FBXW7: variants seen among roughly 807,000 people sequenced by gnomAD.
FBXW7 encodes F-box and WD repeat domain containing 7.
A neutral mutation model predicts 86.3 loss-of-function variants in FBXW7; 11 were observed. The observed-to-expected ratio is 0.13, with a 90% CI of 0.08 to 0.21. The LOEUF (loss-of-function observed/expected upper bound fraction) is 0.21. Ranked by LOEUF, FBXW7 falls within the 10% of genes least tolerant of loss-of-function variation. FBXW7 has a pLI of 1.00. For synonymous variants in FBXW7, 313 were observed against 297.9 expected (o/e 1.05, Z -0.52); for missense variants, 488 against 847.4 (o/e 0.58, Z 5.27).
At chr4:152,514,360 T>C (rs545037660) in intron 2 of FBXW7, among the ~76,000 whole-genome samples, 80 of 152,306 alleles carry the variant, frequency 5.3e-4, no homozygotes, top group African/African-American at 1.7e-3. Context: ...ATATAAGAAC[T>C]GACTAGAAGG....
chr4:152,515,467 C>A (rs1414151433), intron 2 of FBXW7, among the ~76,000 whole-genome samples: 2 of 152,144 alleles, frequency 1.3e-5, no homozygotes, highest in East Asian at 3.8e-4. Context: ...CAATGCTTTA[C>A]AAATCACCAT....
intron 4 of FBXW7, among the ~76,000 whole-genome samples, chr4:152,372,213 T>C (rs1018138005): frequency 6.6e-6 from 1 of 151,948 alleles, no homozygotes; most frequent in Non-Finnish European, 1.5e-5. Context: ...CATCTATATA[T>C]GTATGTTTTA....
intron 4 of FBXW7, among the ~76,000 whole-genome samples, chr4:152,379,161 AT>A (rs1303790201): frequency 6.6e-6 from 1 of 152,210 alleles, no homozygotes; most frequent in Non-Finnish European, 1.5e-5. Context: ...ATGTGAAAAA[AT>A]AATGCATCTT....
At chr4:152,363,836 G>T (rs767364901) in intron 4 of FBXW7, among the ~76,000 whole-genome samples, 1 of 152,160 alleles carries the variant, frequency 6.6e-6, no homozygotes, top group South Asian at 2.1e-4. Context: ...AGTTTTAAGC[G>T]ACCCCAAGGT....
intron 6 of FBXW7, among the ~76,000 whole-genome samples, chr4:152,340,722 C>T (rs1454010504): frequency 6.6e-6 from 1 of 151,976 alleles, no homozygotes; most frequent in East Asian, 1.9e-4. Flanking sequence ...AGATCTGGAC[C>T]ATAAAAACAG....
At chr4:152,340,300 C>T (rs1428924487) in intron 6 of FBXW7, among the ~76,000 whole-genome samples, 1 of 151,874 alleles carries the variant, frequency 6.6e-6, no homozygotes, top group Non-Finnish European at 1.5e-5. Flanking sequence ...CTGATAGGCC[C>T]GGTGCAGTGG....
chr4:152,504,114 A>G (rs1414412251), intron 2 of FBXW7, among the ~76,000 whole-genome samples: 1 of 152,174 alleles, frequency 6.6e-6, no homozygotes, highest in African/African-American at 2.4e-5. Context: ...TTGTTTCCTC[A>G]CTTACATCTC....
chr4:152,471,190 G>GA (rs139335427), intron 2 of FBXW7, among the ~76,000 whole-genome samples: 57,396 of 149,820 alleles, frequency 0.38, 11,716 homozygotes, highest in African/African-American at 0.53. Flanking sequence ...GAAAAGGTGG[G>GA]AAAAAAAATA....
chr4:152,405,176 A>T (rs2126855368), intron 4 of FBXW7, among the ~76,000 whole-genome samples: 1 of 152,164 alleles, frequency 6.6e-6, no homozygotes, highest in East Asian at 1.9e-4. Flanking sequence ...CTCAAACTGA[A>T]TTAGGACTGA....
intron 2 of FBXW7, among the ~76,000 whole-genome samples, chr4:152,436,888 T>TTAC (rs530220053): frequency 9.0e-4 from 137 of 152,334 alleles, no homozygotes; most frequent in African/African-American, 3.1e-3. Context: ...CTTTCAAATA[T>TTAC]TACTCATTGC....
chr4:152,429,015 C>A (rs1739634273), intron 2 of FBXW7, among the ~76,000 whole-genome samples: 1 of 152,086 alleles, frequency 6.6e-6, no homozygotes. Flanking sequence ...CATGGAGAAA[C>A]TCCGTCTCTA....
chr4:152,483,752 T>C lies in FBXW7; in HGVS notation c.-120+51189A>G, dbSNP rs185279293. On this transcript the variant is annotated intron_variant, in intron 2 of 13. Transcript: ENST00000281708. ...ACCCTTTCTGTGTTGTGTGTGTGTG[T>C]GCACACACACACTTGCATGTGTATA... Among the ~76,000 whole-genome samples, 206 of 152,148 alleles carry C rather than the reference T, an allele frequency of 1.4e-3. 1 individual carries two copies. The highest frequency in any genetic ancestry group is 0.01 in the Middle Eastern group (3 of 294).
chr4:152,503,132 C>A (rs1026909469), intron 2 of FBXW7, among the ~76,000 whole-genome samples: 4 of 152,082 alleles, frequency 2.6e-5, no homozygotes, highest in African/African-American at 9.7e-5. Context: ...CTTTACAACA[C>A]GTGGAAGATA....
At chr4:152,363,034 C>G (rs373928009) in intron 4 of FBXW7, among the ~76,000 whole-genome samples, 1 of 152,052 alleles carries the variant, frequency 6.6e-6, no homozygotes, top group African/African-American at 2.4e-5. Flanking sequence ...TTACCCCCTA[C>G]CAATCCATTT....
chr4:152,487,740 TCTTC>T (rs1199580725), intron 2 of FBXW7, among the ~76,000 whole-genome samples: 1 of 152,090 alleles, frequency 6.6e-6, no homozygotes, highest in East Asian at 1.9e-4. Context: ...CATCTTATAT[TCTTC>T]CTTGTATTTT....
At chr4:152,481,403 A>G (rs1157287089) in intron 2 of FBXW7, among the ~76,000 whole-genome samples, 1 of 152,224 alleles carries the variant, frequency 6.6e-6, no homozygotes, top group African/African-American at 2.4e-5. Context: ...TGATGGAGAT[A>G]TACCAGAAGA....
rs1349981753 is a variant in FBXW7, at chr4:152,498,615, T to C, written c.-120+36326A>G. Among the ~76,000 whole-genome samples the C allele has an allele frequency of 2.6e-5, 4 of 152,298 alleles. No homozygotes were observed. The East Asian group carries it at 7.7e-4, about 29-fold the overall frequency. On this transcript the variant is annotated intron_variant, in intron 2 of 13. Coordinates refer to ENST00000281708, the MANE Select transcript of FBXW7 (RefSeq NM_001349798.2). ...AGTTTTCAGGGAGCTTATCATTTAG[T>C]GCGGAAGCTAAGATGCATACAGAAA...
intron 2 of FBXW7, among the ~76,000 whole-genome samples, chr4:152,451,129 G>C (rs751351775): frequency 6.6e-6 from 1 of 152,162 alleles, no homozygotes; most frequent in African/African-American, 2.4e-5. Flanking sequence ...GCATAATATT[G>C]TTTATGAAAA....
intron 2 of FBXW7, among the ~76,000 whole-genome samples, chr4:152,486,221 T>C (rs1354194949): frequency 1.3e-5 from 2 of 152,270 alleles, no homozygotes; most frequent in Admixed American, 6.5e-5. Flanking sequence ...GAAGAGTGAA[T>C]GTGAAGGCCT....
Sources: gnomAD v4.1 joint callset for allele counts (sites outside exome capture counted in the v4.1 genomes callset) on GRCh38, gnomAD v4.1.1 for gene constraint, MANE v1.5 for transcripts, NCBI Gene and HGNC (gene_info 2026-07-23, HGNC 2026-07-21) for gene names.